The following CACNA1A variants were observed in gnomAD, a reference collection of about 807,000 sequenced individuals.
CACNA1A encodes calcium voltage-gated channel subunit alpha1 A.
A neutral mutation model predicts 262.4 loss-of-function variants in CACNA1A; 57 were observed. The observed-to-expected ratio is 0.22, with a 90% CI of 0.18 to 0.27. The LOEUF (loss-of-function observed/expected upper bound fraction) is 0.27. Ranked by LOEUF, CACNA1A falls within the 10% of genes least tolerant of loss-of-function variation. The pLI is 1.00. For missense variants in CACNA1A, 2,526 were observed against 3,562.8 expected (o/e 0.71, Z 7.41); for synonymous variants, 1,431 against 1,419.3 (o/e 1.01, Z -0.18).
chr19:13,323,350 A>T (rs2058294338), intron 10 of CACNA1A, among the ~76,000 whole-genome samples: 1 of 152,158 alleles, frequency 6.6e-6, no homozygotes, highest in African/African-American at 2.4e-5. Flanking sequence ...GGTGGTTTTG[A>T]TTTGCATTTC....
intron 1 of CACNA1A, among the ~76,000 whole-genome samples, chr19:13,479,805 A>G (rs974334325): frequency 6.6e-6 from 1 of 152,242 alleles, no homozygotes; most frequent in African/African-American, 2.4e-5. Context: ...TAAGAAAGGA[A>G]GGGCAAAGAA....
At chr19:13,478,174 C>T (rs1055848398) in intron 1 of CACNA1A, among the ~76,000 whole-genome samples, 8 of 152,122 alleles carry the variant, frequency 5.3e-5, no homozygotes, top group South Asian at 2.1e-4. Context: ...GAATGCCACC[C>T]GCCCCCACAA....
intron 24 of CACNA1A, among the ~76,000 whole-genome samples, chr19:13,270,386 A>G (rs977660819): frequency 2.4e-5 from 3 of 123,010 alleles, no homozygotes; most frequent in Admixed American, 1.0e-4. Flanking sequence ...ACCAGAAAGG[A>G]AATAAGCAGA....
At chr19:13,401,809 C>T (rs928924893) in intron 3 of CACNA1A, among the ~76,000 whole-genome samples, 8 of 152,262 alleles carry the variant, frequency 5.3e-5, no homozygotes, top group African/African-American at 1.9e-4. Flanking sequence ...CCCACCACTC[C>T]ACCTCATTGC....
intron 3 of CACNA1A, among the ~76,000 whole-genome samples, chr19:13,410,540 CTTT>C (rs113290275): frequency 2.5e-5 from 3 of 120,704 alleles, no homozygotes; most frequent in Non-Finnish European, 1.7e-5. Context: ...ATTCTTTTTT[CTTT>C]TTTTTTTTTT....
rs2054873557 is a variant in CACNA1A at position 13,212,966 on chromosome 19, G to A, written c.5941-226C>T. Among the ~76,000 whole-genome samples, 1 of 151,994 alleles carries A rather than the reference G, an allele frequency of 6.6e-6. No homozygotes were observed. The highest frequency in any genetic ancestry group is 2.1e-4 in the South Asian group (1 of 4,822). ...TCCCACGTCCTCATCTCTCACTGCA[G>A]GCACCTTCTCCCAGGTCTCCCGCTC... is the stretch of plus-strand genomic sequence containing the variant. On this transcript the variant is annotated intron_variant, in intron 40 of 46. Coordinates refer to ENST00000360228, the MANE Select transcript of CACNA1A (RefSeq NM_001127222.2). The surrounding 1 kb of genome is among the most constrained non-coding windows in gnomAD (Gnocchi z 5.6).
chr19:13,378,544 C>T (rs1039779918), intron 3 of CACNA1A, among the ~76,000 whole-genome samples: 2 of 152,262 alleles, frequency 1.3e-5, no homozygotes, highest in African/African-American at 4.8e-5. Context: ...ACCACCCCCA[C>T]GATCAGTCAG....
intron 6 of CACNA1A, among the ~76,000 whole-genome samples, chr19:13,340,334 G>A (rs1230347923): frequency 6.6e-6 from 1 of 151,882 alleles, no homozygotes; most frequent in Non-Finnish European, 1.5e-5. Context: ...TGGACTGTTT[G>A]AGCTCATTTA....
intron 19 of CACNA1A, among the ~76,000 whole-genome samples, chr19:13,288,376 A>T (rs1462406215): frequency 1.3e-5 from 2 of 151,820 alleles, no homozygotes; most frequent in Non-Finnish European, 2.9e-5. Context: ...AATAGCTGGG[A>T]TTACCAGCGT....
At position 13,214,381 on chromosome 19, in the gene CACNA1A, G is replaced by C; in HGVS notation, c.5840-48C>G. The C allele has an allele frequency of 6.3e-7, 1 of 1,587,426 alleles. No individual in the cohort carries two copies. The highest frequency in any genetic ancestry group is 8.6e-7 in the Non-Finnish European group (1 of 1,158,780). The stretch of plus-strand genomic sequence containing the variant: ...CTCACCAAGGGCAGGCCTCTTTGGG[G>C]CCCTTGTCCTGGGTCCCTGTGTATA... On this transcript the variant is annotated intron_variant, in intron 39 of 46. Transcript: ENST00000360228. This position sits in a 1 kb window ranked among gnomAD's most constrained non-coding sequence, Gnocchi z 4.1.
chr19:13,298,828 C>A lies in CACNA1A; in HGVS notation c.2805G>T (p.Arg935=), dbSNP rs1002026253. 1 of 1,575,640 alleles carries A rather than the reference C, an allele frequency of 6.3e-7. No homozygotes were observed. Among genetic ancestry groups the A allele is most frequent in the African/African-American group, 1.4e-5 (1 of 72,810 alleles). Residue 935 remains arginine (R), a synonymous_variant, in exon 19 of 47, where the codon CGG becomes CGT. Transcript: ENST00000360228. ...TGCGGCTCTCCCTGCTGCCCCCCTGCCGGTGCACGTGCCTCCGGTGGGGGT... is the reference window on the plus strand; with the variant it reads ...TGCGGCTCTCCCTGCTGCCCCCCTGACGGTGCACGTGCCTCCGGTGGGGGT... ...AGDPHRRHVH[R]QGGSRESRSG... is the part of the protein sequence containing the mutation.
chr19:13,290,983 G>A (rs1568499981), intron 19 of CACNA1A, among the ~76,000 whole-genome samples: 1 of 152,126 alleles, frequency 6.6e-6, no homozygotes, highest in East Asian at 1.9e-4. Context: ...TGTTGGCTCT[G>A]TTTGTTGGGA....
At chr19:13,333,760 T>C (rs915487581) in intron 8 of CACNA1A, 2 of 152,358 alleles carry the variant, frequency 1.3e-5, no homozygotes, top group African/African-American at 4.8e-5. Context: ...TTTATCTTCC[T>C]AGTCTGTTTT....
At chr19:13,248,391 C>T (rs141952666) in intron 30 of CACNA1A, among the ~76,000 whole-genome samples, 2 of 101,090 alleles carry the variant, frequency 2.0e-5, no homozygotes, top group Non-Finnish European at 3.6e-5. Flanking sequence ...GGCTGGGCAA[C>T]AGAGTAAGAT....
At chr19:13,355,575 C>T (rs1282959583) in intron 6 of CACNA1A, among the ~76,000 whole-genome samples, 1 of 152,116 alleles carries the variant, frequency 6.6e-6, no homozygotes, top group Non-Finnish European at 1.5e-5. Context: ...GAGCAAAACG[C>T]CCGACAGGGA....
intron 19 of CACNA1A, among the ~76,000 whole-genome samples, chr19:13,293,691 T>C (rs1237435444): frequency 6.6e-6 from 1 of 150,868 alleles, no homozygotes. Flanking sequence ...CTCATGACCT[T>C]GTGATCCGCT....
chr19:13,265,709 G>A (rs992312213), intron 24 of CACNA1A, among the ~76,000 whole-genome samples: 17 of 151,902 alleles, frequency 1.1e-4, no homozygotes, highest in African/African-American at 2.4e-4. Context: ...TCTTTCAGAC[G>A]CTCTGCTTTT....
intron 3 of CACNA1A, among the ~76,000 whole-genome samples, chr19:13,399,797 G>C (rs549136374): frequency 6.6e-6 from 1 of 152,270 alleles, no homozygotes; most frequent in Non-Finnish European, 1.5e-5. Flanking sequence ...GATAAGGGAC[G>C]AGTGAGGAGC....
chr19:13,503,754 T>C (rs1982677104), intron 1 of CACNA1A, among the ~76,000 whole-genome samples: 1 of 151,848 alleles, frequency 6.6e-6, no homozygotes, highest in Non-Finnish European at 1.5e-5. Context: ...GGCTGTATAA[T>C]GTGTTTGTTA....
Sources: gnomAD v4.1 joint callset for allele counts (sites outside exome capture counted in the v4.1 genomes callset) on GRCh38, gnomAD v4.1.1 for gene constraint, Gnocchi (gnomAD v3.1) non-coding constraint, MANE v1.5 for transcripts, NCBI Gene and HGNC (gene_info 2026-07-23, HGNC 2026-07-21) for gene names.